Variants in MMP24 observed in about 807,000 individuals in gnomAD.
MMP24 encodes the protein matrix metallopeptidase 24, also known as matrix metalloproteinase-24.
MMP24 carries 25 observed loss-of-function variants against 62.8 expected under a neutral mutation model. The ratio of observed to expected loss-of-function variants is 0.40; its 90% confidence interval spans 0.29 to 0.56. The LOEUF (loss-of-function observed/expected upper bound fraction) is 0.56, where lower values mean the gene tolerates loss of function less well. Ranked by LOEUF, MMP24 falls within the 20% of genes least tolerant of loss-of-function variation. The pLI, the probability that MMP24 is intolerant of heterozygous loss-of-function variation, is 0.50. For synonymous variants in MMP24, 319 were observed against 350.5 expected (o/e 0.91, Z 1.00); for missense variants, 634 against 853.6 (o/e 0.74, Z 3.21).
At chr20:35,268,745 G>A (rs1434457691) in intron 6 of MMP24, among the ~76,000 whole-genome samples, 1 of 152,234 alleles carries the variant, frequency 6.6e-6, no homozygotes, top group Non-Finnish European at 1.5e-5. Flanking sequence ...GAGGCCTGGA[G>A]GCTGGGCGCA....
In MMP24 at chr20:35,271,828, G is replaced by A. The variant is rs756569267; in HGVS notation, c.1593G>A (p.Lys531=). ...CTCCCCAAGGAGCCTTCATCAGCAA[G>A]GAAGGATGTACGTAAGGGCCGGGCC... ...PQAPQGAFIS[K]EGYYTYFYKG... The change falls in exon 8 of 9, where the codon AAG becomes AAA. Residue 531 remains lysine (K), a synonymous_variant. Transcript: ENST00000246186. The surrounding 1 kb of genome is among the most constrained non-coding windows in gnomAD (Gnocchi z 4.0). 3.2e-5 allele frequency: 51 copies of A among 1,609,608 alleles called. No individual in the cohort carries two copies. The highest frequency in any genetic ancestry group is 1.2e-4 in the Admixed American group (7 of 59,678).
At chr20:35,265,174 C>A (rs943516940) in intron 5 of MMP24, among the ~76,000 whole-genome samples, 2 of 152,202 alleles carry the variant, frequency 1.3e-5, no homozygotes, top group Non-Finnish European at 2.9e-5. Flanking sequence ...ATAGGGTCCA[C>A]CAGTCTGCAG....
At position 35,251,897 on chromosome 20, in the gene MMP24, C is replaced by G; in HGVS notation, c.396-8C>G. ...ATATGCGTGTGTGTGTGTCCTCTCT[C>G]TGCCCAGGTGGATGAAGAAACCCCG... On this transcript the variant is annotated splice_polypyrimidine_tract_variant and splice_region_variant and intron_variant, in intron 2 of 8. Transcript: ENST00000246186. The G allele has an allele frequency of 6.2e-7, 1 of 1,609,642 alleles. No individual in the cohort carries two copies. Among genetic ancestry groups the G allele is most frequent in the Non-Finnish European group, 8.5e-7 (1 of 1,175,938 alleles).
intron 1 of MMP24, among the ~76,000 whole-genome samples, chr20:35,236,884 G>A (rs992902235): frequency 1.3e-5 from 2 of 149,194 alleles, no homozygotes; most frequent in African/African-American, 5.0e-5. Flanking sequence ...TGAGGCAGGA[G>A]AATCACTTGA....
chr20:35,245,454 C>CTT (rs879641853), intron 1 of MMP24, among the ~76,000 whole-genome samples: 1 of 145,394 alleles, frequency 6.9e-6, no homozygotes, highest in Non-Finnish European at 1.5e-5. Flanking sequence ...ATGTATATTT[C>CTT]TTTTTTTTTT....
intron 4 of MMP24, among the ~76,000 whole-genome samples, chr20:35,258,806 A>AC (rs969932975): frequency 2.0e-5 from 3 of 152,136 alleles, no homozygotes; most frequent in South Asian, 2.1e-4. Flanking sequence ...TAAAAAAAAA[A>AC]AACAACAAAA....
chr20:35,248,778 C>G (rs895387093), intron 2 of MMP24, among the ~76,000 whole-genome samples: 4 of 152,150 alleles, frequency 2.6e-5, no homozygotes. Flanking sequence ...CCCGTGGTCT[C>G]CAGAGTGGGC....
At chr20:35,232,028 G>A (rs911578316) in intron 1 of MMP24, among the ~76,000 whole-genome samples, 1 of 152,138 alleles carries the variant, frequency 6.6e-6, no homozygotes, top group Non-Finnish European at 1.5e-5. Flanking sequence ...GGGCAAAAGA[G>A]TGAATCTCCG....
intron 1 of MMP24, among the ~76,000 whole-genome samples, chr20:35,238,438 A>C (rs1391025595): frequency 1.3e-5 from 2 of 152,180 alleles, no homozygotes; most frequent in Non-Finnish European, 2.9e-5. Context: ...TCTGAAATAG[A>C]TGTAAGAGGC....
intron 8 of MMP24, chr20:35,272,227 C>CA (rs199954793): frequency 4.7e-5 from 20 of 422,368 alleles, no homozygotes; most frequent in Non-Finnish European, 7.9e-5. Context: ...AGAAAACCTT[C>CA]AAAAAAAATT....
chr20:35,253,295 A>ATTTTTTTTTTTTTTTT (rs1256708378), intron 3 of MMP24, among the ~76,000 whole-genome samples: 1 of 72,318 alleles, frequency 1.4e-5, no homozygotes, highest in Admixed American at 1.4e-4. Context: ...TTTTTTTTTC[A>ATTTTTTTTTTTTTTTT]GAAATCTGAC....
intron 3 of MMP24, among the ~76,000 whole-genome samples, chr20:35,253,269 A>AC (rs1472295607): frequency 1.6e-5 from 1 of 62,530 alleles, no homozygotes; most frequent in Non-Finnish European, 2.7e-5. Context: ...ACAGAACGGG[A>AC]CTTTTTTTTT....
intron 4 of MMP24, among the ~76,000 whole-genome samples, chr20:35,257,059 C>G (rs780179192): frequency 4.6e-5 from 7 of 152,162 alleles, no homozygotes; most frequent in Non-Finnish European, 1.0e-4. Flanking sequence ...AGCAGACTCT[C>G]AAAGCTGGTT....
intron 4 of MMP24, among the ~76,000 whole-genome samples, chr20:35,255,794 G>A (rs7346331): frequency 5.3e-5 from 8 of 152,294 alleles, no homozygotes; most frequent in African/African-American, 1.7e-4. Flanking sequence ...GTGAGGGGCT[G>A]GATTAGGTGA....
chr20:35,232,094 TG>T (rs1252943764), intron 1 of MMP24, among the ~76,000 whole-genome samples: 1 of 152,256 alleles, frequency 6.6e-6, no homozygotes, highest in Non-Finnish European at 1.5e-5. Flanking sequence ...TTTCTGTTCT[TG>T]GGCTCAGCAC....
chr20:35,251,978 G>T lies in MMP24; in HGVS notation c.469G>T (p.Ala157Ser), dbSNP rs1274532108. The change falls in exon 3 of 9, where the codon GCC becomes TCC. Residue 157 changes from alanine to serine, a missense_variant. Physicochemically the swap from Ala to Ser is moderately conservative, Grantham distance 99 (BLOSUM62 1). Transcript: ENST00000246186. Reference sequence around the variant, plus strand: ...CCGTAGGCGGAGAAACAAGCGCTATGCCCTGACTGGACAGAAGTGGAGGCA... The same window carrying T: ...CCGTAGGCGGAGAAACAAGCGCTATTCCCTGACTGGACAGAAGTGGAGGCA... ...LSRRRRNKRY[A>S]LTGQKWRQKH... 13 of 1,613,938 alleles carry T rather than the reference G, an allele frequency of 8.1e-6. No individual in the cohort carries two copies. Among genetic ancestry groups the T allele is most frequent in the African/African-American group, 1.3e-5 (1 of 74,936 alleles).
chr20:35,268,831 T>C (rs565071388), intron 6 of MMP24, among the ~76,000 whole-genome samples: 12 of 152,018 alleles, frequency 7.9e-5, no homozygotes, highest in South Asian at 2.1e-4. Context: ...ATCAAGACCA[T>C]CCTGGCTAAC....
chr20:35,261,272 G>A (rs1329090917), intron 4 of MMP24, among the ~76,000 whole-genome samples: 2 of 152,176 alleles, frequency 1.3e-5, no homozygotes, highest in Non-Finnish European at 2.9e-5. Context: ...CGCTCCACTG[G>A]CCTCGTGCTT....
At chr20:35,266,107 G>A (rs375585868) in intron 5 of MMP24, among the ~76,000 whole-genome samples, 3 of 150,008 alleles carry the variant, frequency 2.0e-5, no homozygotes, top group African/African-American at 4.9e-5. Flanking sequence ...GGAGGCCAAG[G>A]TGGGTGGATC....
Sources: gnomAD v4.1 joint callset for allele counts (sites outside exome capture counted in the v4.1 genomes callset) on GRCh38, gnomAD v4.1.1 for gene constraint, Gnocchi (gnomAD v3.1) non-coding constraint, MANE v1.5 for transcripts, NCBI Gene and HGNC (gene_info 2026-07-23, HGNC 2026-07-21) for gene names.